The following SYNJ2 variants were observed in gnomAD, a reference collection of about 807,000 sequenced individuals.
SYNJ2 encodes polyphosphatidylinositol phosphatase SYNJ2.
A neutral mutation model predicts 141.3 loss-of-function variants in SYNJ2; 116 were observed. The ratio of observed to expected loss-of-function variants is 0.82; its 90% confidence interval spans 0.71 to 0.96. The LOEUF is 0.96. Ranked by LOEUF, SYNJ2 falls within the 40% of genes least tolerant of loss-of-function variation. The pLI, the probability that SYNJ2 is intolerant of heterozygous loss-of-function variation, is 0.00. For synonymous variants in SYNJ2, 745 were observed against 777.7 expected (o/e 0.96, Z 0.70); for missense variants, 1,873 against 1,934.8 (o/e 0.97, Z 0.60).
chr6:158,061,679 C>G (rs1434697034), intron 7 of SYNJ2, among the ~76,000 whole-genome samples: 1 of 131,058 alleles, frequency 7.6e-6, no homozygotes, highest in African/African-American at 2.7e-5. Context: ...CCTTCCTCAC[C>G]TGTGCCCTCC....
At chr6:158,072,062 G>T (rs1781965085) in intron 15 of SYNJ2, among the ~76,000 whole-genome samples, 1 of 152,212 alleles carries the variant, frequency 6.6e-6, no homozygotes, top group Admixed American at 6.5e-5. Flanking sequence ...ATTTGTATGT[G>T]TGCATTTTCT....
intron 1 of SYNJ2, among the ~76,000 whole-genome samples, chr6:157,990,409 A>AC (rs1459691964): frequency 6.6e-6 from 1 of 151,720 alleles, no homozygotes; most frequent in Admixed American, 6.6e-5. Flanking sequence ...GAGCCCACAC[A>AC]CCCCCTGAGG....
At chr6:157,984,027 G>T (rs1028820554) in intron 1 of SYNJ2, among the ~76,000 whole-genome samples, 14 of 151,722 alleles carry the variant, frequency 9.2e-5, no homozygotes, top group African/African-American at 2.9e-4. Context: ...CTTTAAATGG[G>T]GTCTTACTAT....
At position 158,070,726 on chromosome 6, in the gene SYNJ2, G is replaced by T. The variant is rs1228880608; in HGVS notation, c.1941-876G>T. Among the ~76,000 whole-genome samples, 1 of 152,174 alleles carries T rather than the reference G, an allele frequency of 6.6e-6. No homozygotes were observed. The highest frequency in any genetic ancestry group is 1.9e-4 in the East Asian group (1 of 5,186). ...CCAGCAGGCCTCAGTCTGTGGCATGGCTGTGGAAATGTTAACAAATGTGCT... is the reference window on the plus strand; with the variant it reads ...CCAGCAGGCCTCAGTCTGTGGCATGTCTGTGGAAATGTTAACAAATGTGCT... On this transcript the variant is annotated intron_variant, in intron 14 of 26. Transcript: ENST00000355585. The surrounding 1 kb of genome is among the most constrained non-coding windows in gnomAD (Gnocchi z 4.0).
intron 11 of SYNJ2, among the ~76,000 whole-genome samples, 172 bp downstream of exon 11, chr6:158,065,163 G>C (rs1002914415): frequency 1.3e-5 from 2 of 152,226 alleles, no homozygotes; most frequent in African/African-American, 4.8e-5. Flanking sequence ...GCGCTTTCCT[G>C]CTGGGCCTGG....
rs1781844731 is a variant in SYNJ2, at chr6:158,070,379, C to T, written c.1940+706C>T. 1.4e-5 allele frequency: 14 copies of T among 985,376 alleles called. No homozygotes were observed. The highest frequency in any genetic ancestry group is 7.0e-5 in the African/African-American group (4 of 57,220). The allele number at this position is 985,376 out of a possible 1,614,324, so 61.0% of individuals were successfully genotyped here. ...CAAGAGCACCACGGGTACACCCCTGCAGCACCTGGAGACTAAGACTATGCT... is the reference window on the plus strand; with the variant it reads ...CAAGAGCACCACGGGTACACCCCTGTAGCACCTGGAGACTAAGACTATGCT... On this transcript the variant is annotated intron_variant, in intron 14 of 26. Transcript: ENST00000355585. The surrounding 1 kb of genome is among the most constrained non-coding windows in gnomAD (Gnocchi z 4.0).
Position 158,061,987 on chromosome 6 carries a change from T to C in SYNJ2, c.955-5T>C, listed in dbSNP as rs1215653251. ...CCCCTCACCGCCCTCCCCTCCTCTTTTCAGAAGCTGCTCTGGGCTTCTTGC... is the reference window on the plus strand; with the variant it reads ...CCCCTCACCGCCCTCCCCTCCTCTTCTCAGAAGCTGCTCTGGGCTTCTTGC... On this transcript the variant is annotated splice_region_variant and splice_polypyrimidine_tract_variant and intron_variant, in intron 7 of 26. Coordinates refer to ENST00000355585, the MANE Select transcript of SYNJ2 (RefSeq NM_003898.4). The C allele has an allele frequency of 2.5e-6, 4 of 1,613,400 alleles. No homozygotes were observed. Among genetic ancestry groups the C allele is most frequent in the Non-Finnish European group, 2.5e-6 (3 of 1,179,732 alleles).
Position 158,065,069 on chromosome 6 carries a change from T to C in SYNJ2, c.1525+78T>C, listed in dbSNP as rs1310142268. 46 of 1,441,872 alleles carry C rather than the reference T, an allele frequency of 3.2e-5. No individual in the cohort carries two copies. The East Asian group carries it at 6.3e-4, about 20-fold the overall frequency. The allele number at this position is 1,441,872 out of a possible 1,614,324, so 89.3% of individuals were successfully genotyped here. A position where few individuals can be genotyped will look rare whatever the true frequency, so the allele number is the denominator to read the frequency against. The stretch of plus-strand genomic sequence containing the variant: ...CCACTTTCCCACCGCCTCTGTGCTA[T>C]CCAGAGAGCGGGTGGCAGAGGTGCC... On this transcript the variant is annotated intron_variant, in intron 11 of 26. Coordinates refer to ENST00000355585, the MANE Select transcript of SYNJ2 (RefSeq NM_003898.4).
intron 16 of SYNJ2, 118 bp from the exon 17 acceptor site, chr6:158,076,503 AAATGT>A (rs1340493379): frequency 2.6e-6 from 3 of 1,138,048 alleles, no homozygotes; most frequent in Non-Finnish European, 3.7e-6. Flanking sequence ...ATAGATTTTC[AAATGT>A]AATGGAGCTT....
At chr6:158,065,115 A>G (rs1781484774) in intron 11 of SYNJ2, 124 bp downstream of exon 11, 4 of 1,251,744 alleles carry the variant, frequency 3.2e-6, no homozygotes, top group Admixed American at 6.0e-5. Context: ...GCAGTGGACC[A>G]TGCACCTTGC....
chr6:158,069,822 A>G, intron 14 of SYNJ2, 149 bp downstream of exon 14: 2 of 1,041,196 alleles, frequency 1.9e-6, no homozygotes, highest in Non-Finnish European at 2.6e-6. Flanking sequence ...AAAACCCCCT[A>G]GGAAAAACTG....
In SYNJ2 at chr6:158,043,440, T is replaced by TCC; in HGVS notation, c.795+42_795+43dup. On this transcript the variant is annotated intron_variant, in intron 5 of 26. Transcript: ENST00000355585. This position sits in a 1 kb window ranked among gnomAD's most constrained non-coding sequence, Gnocchi z 4.0. ...ACTTAAATGTCCCCTTGTGATGTTG[T>TCC]CCGCCCTGCCCTTCCCTTCAATAGC... The TCC allele has an allele frequency of 6.9e-7, 1 of 1,456,938 alleles. No individual in the cohort carries two copies. The highest frequency in any genetic ancestry group is 9.6e-7 in the Non-Finnish European group (1 of 1,039,702). 90.3% of individuals were successfully genotyped at this position (1,456,938 alleles called of 1,614,324 possible). A position where few individuals can be genotyped will look rare whatever the true frequency, so the allele number is the denominator to read the frequency against.
chr6:158,060,488 C>T (rs140118855), intron 7 of SYNJ2, among the ~76,000 whole-genome samples: 1 of 152,210 alleles, frequency 6.6e-6, no homozygotes, highest in Admixed American at 6.5e-5. Flanking sequence ...AGAGAGAGCT[C>T]GAAGTCGCCT....
intron 23 of SYNJ2, among the ~76,000 whole-genome samples, chr6:158,088,447 A>G (rs1322944091): frequency 6.6e-6 from 1 of 152,170 alleles, no homozygotes; most frequent in Non-Finnish European, 1.5e-5. Flanking sequence ...ATCTACATCA[A>G]TAGGCACACA....
intron 5 of SYNJ2, among the ~76,000 whole-genome samples, chr6:158,050,696 C>G (rs979567107): frequency 6.6e-6 from 1 of 152,220 alleles, no homozygotes; most frequent in Admixed American, 6.5e-5. Context: ...TCCCTGAGTC[C>G]TCACTGATGT....
intron 5 of SYNJ2, among the ~76,000 whole-genome samples, chr6:158,044,146 G>A (rs1054496694): frequency 2.6e-5 from 4 of 152,194 alleles, no homozygotes; most frequent in Non-Finnish European, 5.9e-5. Flanking sequence ...GGCCTTTGTC[G>A]CCTCTCGGCT....
At chr6:158,073,736 C>T (rs926033930) in intron 15 of SYNJ2, among the ~76,000 whole-genome samples, 4 of 151,968 alleles carry the variant, frequency 2.6e-5, no homozygotes, top group South Asian at 2.1e-4. Context: ...TGGTTGGGAC[C>T]TGTTTAATCT....
At chr6:158,049,598 TAATAC>T (rs1481208378) in intron 5 of SYNJ2, among the ~76,000 whole-genome samples, 1 of 152,122 alleles carries the variant, frequency 6.6e-6, no homozygotes, top group Non-Finnish European at 1.5e-5. Context: ...ACAAGTCCAA[TAATAC>T]AACTTGTTTA....
Position 158,034,165 on chromosome 6 carries a change from G to A in SYNJ2, c.711+485G>A, listed in dbSNP as rs1404274490. ...TGTGAAATCTGCGTGTTAAGCAGCC[G>A]CTCCCATCCGTTCCCCTAGAATATA... On this transcript the variant is annotated intron_variant, in intron 4 of 26. Transcript: ENST00000355585. Among the ~76,000 whole-genome samples, 3 of 152,248 alleles carry A rather than the reference G, an allele frequency of 2.0e-5. No individual in the cohort carries two copies. In the South Asian group the frequency reaches 6.2e-4, roughly 32 times the overall value.
Sources: gnomAD v4.1 joint callset for allele counts (sites outside exome capture counted in the v4.1 genomes callset) on GRCh38, gnomAD v4.1.1 for gene constraint, Gnocchi (gnomAD v3.1) non-coding constraint, MANE v1.5 for transcripts, NCBI Gene and HGNC (gene_info 2026-07-23, HGNC 2026-07-21) for gene names.